VPS8: variants seen among roughly 807,000 people sequenced by gnomAD.
VPS8 encodes vacuolar protein sorting-associated protein 8 homolog.
VPS8 carries 129 observed loss-of-function variants against 216.4 expected under a neutral mutation model. The observed-to-expected ratio is 0.60, with a 90% CI of 0.52 to 0.69. The LOEUF is 0.69. Among genes scored for constraint, VPS8 ranks in the 30% least tolerant of loss-of-function variants. VPS8 has a pLI of 0.00. For missense variants in VPS8, 1,531 were observed against 1,683.5 expected, an observed-to-expected ratio of 0.91 and a Z score of 1.59; for synonymous variants, 571 against 565.4, an observed-to-expected ratio of 1.01 and a Z score of -0.14.
intron 46 of VPS8, among the ~76,000 whole-genome samples, chr3:185,044,815 TG>T (rs1712498328): frequency 6.6e-6 from 1 of 152,196 alleles, no homozygotes; most frequent in African/African-American, 2.4e-5. Flanking sequence ...CATTATTAGC[TG>T]GGACCTACTG....
chr3:185,002,910 G>A (rs1209438779), intron 45 of VPS8, among the ~76,000 whole-genome samples: 4 of 152,124 alleles, frequency 2.6e-5, no homozygotes, highest in Non-Finnish European at 4.4e-5. Context: ...CTATAAACAT[G>A]CATGTACAAG....
chr3:184,933,164 T>G (rs1740985126), intron 34 of VPS8, among the ~76,000 whole-genome samples: 1 of 152,214 alleles, frequency 6.6e-6, no homozygotes, highest in Non-Finnish European at 1.5e-5. Context: ...TAGTTGAGAT[T>G]AATATTTTAA....
At chr3:184,854,615 C>A (rs1226796329) in intron 13 of VPS8, among the ~76,000 whole-genome samples, 2 of 152,142 alleles carry the variant, frequency 1.3e-5, no homozygotes, top group Non-Finnish European at 2.9e-5. Context: ...TGAGTCCAAG[C>A]CCTGATTTTC....
At chr3:184,812,436 G>A (rs1295599351) in intron 1 of VPS8, 1 of 152,254 alleles carries the variant, frequency 6.6e-6, no homozygotes, top group South Asian at 2.1e-4. Flanking sequence ...CGAGTGGAGG[G>A]GCGTGTCGTA....
At chr3:184,980,283 G>A (rs1230233306) in intron 40 of VPS8, among the ~76,000 whole-genome samples, 1 of 151,750 alleles carries the variant, frequency 6.6e-6, no homozygotes, top group African/African-American at 2.4e-5. Context: ...TGGTCATCTT[G>A]TATAATATCT....
intron 14 of VPS8, among the ~76,000 whole-genome samples, chr3:184,859,031 A>G (rs1577935692): frequency 6.6e-6 from 1 of 152,206 alleles, no homozygotes; most frequent in Non-Finnish European, 1.5e-5. Flanking sequence ...GCAGCCATCA[A>G]GTAGAAACTT....
intron 45 of VPS8, among the ~76,000 whole-genome samples, chr3:185,010,807 G>C (rs1754909212): frequency 6.6e-6 from 1 of 152,112 alleles, no homozygotes; most frequent in South Asian, 2.1e-4. Context: ...TTTTAGACCA[G>C]TTGGGACAAC....
intron 46 of VPS8, among the ~76,000 whole-genome samples, chr3:185,041,169 C>T (rs903794113): frequency 6.6e-6 from 1 of 151,632 alleles, no homozygotes; most frequent in African/African-American, 2.4e-5. Flanking sequence ...CATGCCATTG[C>T]ACTCCAGCCT....
At chr3:184,824,903 TA>T in intron 2 of VPS8, 118 bp downstream of exon 2, 3 of 949,138 alleles carry the variant, frequency 3.2e-6, no homozygotes, top group Non-Finnish European at 3.1e-6. Flanking sequence ...AGTCTGTGTA[TA>T]ATTTTTTTTT....
At chr3:184,940,284 A>ATATATG in intron 36 of VPS8, 41 bp downstream of exon 36, 1 of 806,120 alleles carries the variant, frequency 1.2e-6, no homozygotes, top group Non-Finnish European at 1.7e-6. Flanking sequence ...ATATATATAT[A>ATATATG]TATATGAGAA....
At chr3:184,870,600 T>G (rs1243407069) in intron 20 of VPS8, 116 bp from the exon 21 acceptor site, 15 of 838,720 alleles carry the variant, frequency 1.8e-5, no homozygotes, top group Non-Finnish European at 2.7e-5. Context: ...CCACTAAAAT[T>G]TTCAGTTAAA....
At chr3:184,860,471 A>ACG (rs1726136429) in intron 15 of VPS8, among the ~76,000 whole-genome samples, 1 of 54,700 alleles carries the variant, frequency 1.8e-5, no homozygotes, top group Non-Finnish European at 3.0e-5. Flanking sequence ...ACACACATAC[A>ACG]CACACACACA....
At chr3:185,020,824 A>G (rs185849527) in intron 45 of VPS8, among the ~76,000 whole-genome samples, 16 of 152,318 alleles carry the variant, frequency 1.1e-4, no homozygotes, top group Middle Eastern at 3.4e-3. Flanking sequence ...TGTAATTCCA[A>G]CATTTTGGGA....
At chr3:185,010,684 C>A (rs1754892372) in intron 45 of VPS8, among the ~76,000 whole-genome samples, 1 of 151,850 alleles carries the variant, frequency 6.6e-6, no homozygotes, top group Non-Finnish European at 1.5e-5. Context: ...AAAACTATCC[C>A]AAATCAAACA....
At chr3:185,026,957 A>G (rs1426127513) in intron 46 of VPS8, among the ~76,000 whole-genome samples, 1 of 141,856 alleles carries the variant, frequency 7.0e-6, no homozygotes, top group African/African-American at 2.6e-5. Flanking sequence ...GATCCACCCA[A>G]CTCAGCCTCC....
At chr3:184,924,277 T>C (rs912998062) in intron 29 of VPS8, among the ~76,000 whole-genome samples, 1 of 152,230 alleles carries the variant, frequency 6.6e-6, no homozygotes, top group African/African-American at 2.4e-5. Flanking sequence ...CTTCCCTTGT[T>C]GATGGACAGA....
At chr3:184,906,442 A>C (rs964645507) in intron 25 of VPS8, among the ~76,000 whole-genome samples, 3 of 152,200 alleles carry the variant, frequency 2.0e-5, no homozygotes, top group Middle Eastern at 3.2e-3. Flanking sequence ...CCGTGTAGGG[A>C]AATTTAAGCT....
intron 1 of VPS8, among the ~76,000 whole-genome samples, chr3:184,823,589 ATCT>A (rs768817669): frequency 2.0e-5 from 3 of 152,144 alleles, no homozygotes; most frequent in Non-Finnish European, 4.4e-5. Context: ...AAACAAAATG[ATCT>A]TTATTATTAT....
chr3:184,845,755 C>CAA (rs36003760), intron 8 of VPS8, among the ~76,000 whole-genome samples: 978 of 80,420 alleles, frequency 0.012, 22 homozygotes, highest in African/African-American at 0.035. Context: ...AACTCCGTCT[C>CAA]AAAAAAAAAA....
Sources: gnomAD v4.1 joint callset for allele counts (sites outside exome capture counted in the v4.1 genomes callset) on GRCh38, gnomAD v4.1.1 for gene constraint, MANE v1.5 for transcripts, NCBI Gene and HGNC (gene_info 2026-07-23, HGNC 2026-07-21) for gene names.